The following SHANK2 variants were observed in gnomAD, a reference collection of about 807,000 sequenced individuals.
SHANK2 encodes SH3 and multiple ankyrin repeat domains 2.
Under a neutral mutation model 133.7 loss-of-function variants are expected in SHANK2, and 43 were observed. That is an observed-to-expected ratio of 0.32 (90% CI 0.25 to 0.41). SHANK2 has a LOEUF of 0.41. Among genes scored for constraint, SHANK2 ranks in the 10% least tolerant of loss-of-function variants. The probability of loss-of-function intolerance (pLI) is 1.00; values close to 1 mark genes in which losing one functional copy is unlikely to be tolerated. For synonymous variants in SHANK2, 1,017 were observed against 952.8 expected (o/e 1.07, Z -1.24); for missense variants, 1,994 against 2,235.8 (o/e 0.89, Z 2.18).
chr11:70,520,009 A>G (rs1565092823), intron 17 of SHANK2, among the ~76,000 whole-genome samples: 1 of 151,484 alleles, frequency 6.6e-6, no homozygotes, highest in African/African-American at 2.4e-5. Flanking sequence ...CAGCCTCCCA[A>G]AGTGTTGGGA....
rs374159672 is a variant in SHANK2, at chr11:70,717,439, C to G, written c.1778-18676G>C. ...CCTCCCGAATGATCTGAGGCTATATCTTTATTTCCATTCTAAATCAGAAGC... is the reference window on the plus strand; with the variant it reads ...CCTCCCGAATGATCTGAGGCTATATGTTTATTTCCATTCTAAATCAGAAGC... On this transcript the variant is annotated intron_variant, in intron 14 of 25. Transcript: ENST00000601538. Among the ~76,000 whole-genome samples the G allele has an allele frequency of 1.6e-4, 24 of 152,320 alleles. No homozygotes were observed. In the East Asian group the frequency reaches 2.3e-3, roughly 15 times the overall value.
chr11:71,167,716 G>A (rs1269439246), intron 2 of SHANK2, among the ~76,000 whole-genome samples: 6 of 136,170 alleles, frequency 4.4e-5, no homozygotes, highest in Non-Finnish European at 8.0e-5. Context: ...CCGGGCAGAG[G>A]GGCTCCTCAC....
chr11:70,782,240 A>G (rs183452104), intron 14 of SHANK2, among the ~76,000 whole-genome samples: 1 of 152,344 alleles, frequency 6.6e-6, no homozygotes, highest in East Asian at 1.9e-4. Flanking sequence ...AATTTTTAAT[A>G]GAGACAAGAT....
intron 14 of SHANK2, among the ~76,000 whole-genome samples, chr11:70,785,974 G>C (rs1393151505): frequency 2.6e-5 from 4 of 152,114 alleles, no homozygotes; most frequent in African/African-American, 4.8e-5. Context: ...TGATGGGCTG[G>C]TGTCCTACCT....
rs868990395 is a variant in SHANK2 at position 70,807,126 on chromosome 11, G to A, written c.1539C>T (p.Phe513=). ...GCTTCCGCTTGGGCCCCGGGTACTC[G>A]AAGGCCGAGAGTGAGTCCTTGTTGG... ...LGANKDSLSA[F]EYPGPKRKLY... Residue 513 remains phenylalanine, a synonymous_variant, in exon 13 of 26, where the codon TTC becomes TTT. Transcript: ENST00000601538. This position sits in a 1 kb window ranked among gnomAD's most constrained non-coding sequence, Gnocchi z 4.8. The A allele has an allele frequency of 2.6e-5, 19 of 718,070 alleles. No individual in the cohort carries two copies. The highest frequency in any genetic ancestry group is 2.3e-4 in the Middle Eastern group (1 of 4,372). 44.5% of individuals were successfully genotyped at this position (718,070 alleles called of 1,614,324 possible). A position where few individuals can be genotyped will look rare whatever the true frequency, so the allele number is the denominator to read the frequency against.
intron 2 of SHANK2, among the ~76,000 whole-genome samples, chr11:71,159,927 C>T (rs1292986335): frequency 7.0e-6 from 1 of 142,082 alleles, no homozygotes; most frequent in African/African-American, 2.7e-5. Flanking sequence ...ATGAAAGTTG[C>T]AGTGAGCCTA....
chr11:70,662,104 C>T (rs1432310979), intron 15 of SHANK2: 2 of 415,840 alleles, frequency 4.8e-6, no homozygotes, highest in Non-Finnish European at 9.0e-6. Flanking sequence ...CGGCTTGTCC[C>T]GACCACACGC....
At chr11:70,546,981 C>A (rs1554976539) in intron 17 of SHANK2, among the ~76,000 whole-genome samples, 1 of 152,200 alleles carries the variant, frequency 6.6e-6, no homozygotes, top group South Asian at 2.1e-4. Flanking sequence ...ACCCTGGATA[C>A]CTGATCAGGC....
rs547636160 is a variant in SHANK2, at chr11:71,154,046, A to C, written c.-12-6708T>G. On this transcript the variant is annotated intron_variant, in intron 2 of 25. Coordinates refer to ENST00000601538, the MANE Select transcript of SHANK2 (RefSeq NM_012309.5). ...TCTGATTTACTTTTTCACCAAAAGA[A>C]AAGAAGGTTTTTATTGATATGGAAT... is the stretch of plus-strand genomic sequence containing the variant. 1.1e-4 allele frequency among the ~76,000 whole-genome samples: 16 copies of C among 152,306 alleles called. No homozygotes were observed. In the East Asian group the frequency reaches 3.1e-3, roughly 29 times the overall value.
At chr11:70,670,461 G>A (rs538912925) in intron 15 of SHANK2, among the ~76,000 whole-genome samples, 4 of 152,350 alleles carry the variant, frequency 2.6e-5, no homozygotes, top group Non-Finnish European at 5.9e-5. Flanking sequence ...GCCGCCGGGT[G>A]CGGGCAGCCA....
intron 25 of SHANK2, among the ~76,000 whole-genome samples, chr11:70,480,555 T>G (rs1317487383): frequency 1.3e-5 from 2 of 152,272 alleles, no homozygotes; most frequent in African/African-American, 4.8e-5. Context: ...GTTGTCCATT[T>G]CTCCCCTCGA....
intron 3 of SHANK2, among the ~76,000 whole-genome samples, chr11:71,137,574 G>A (rs1952470078): frequency 1.3e-5 from 2 of 152,152 alleles, no homozygotes; most frequent in South Asian, 2.1e-4. Flanking sequence ...GCTAACAGAA[G>A]TTCTATCGGT....
At chr11:70,708,967 T>C (rs1555025551) in intron 14 of SHANK2, among the ~76,000 whole-genome samples, 1 of 152,136 alleles carries the variant, frequency 6.6e-6, no homozygotes, top group African/African-American at 2.4e-5. Context: ...TCCCAGCACT[T>C]TGGGAGGCCA....
chr11:70,648,912 A>G (rs1413441135), intron 17 of SHANK2, among the ~76,000 whole-genome samples: 1 of 152,128 alleles, frequency 6.6e-6, no homozygotes, highest in Non-Finnish European at 1.5e-5. Context: ...GGGCATGTGC[A>G]GGAAGTGACT....
intron 10 of SHANK2, among the ~76,000 whole-genome samples, chr11:70,942,319 G>C (rs1555084525): frequency 6.6e-6 from 1 of 152,186 alleles, no homozygotes; most frequent in Non-Finnish European, 1.5e-5. Context: ...GAAGGTCAAA[G>C]GGGAAGTAGA....
chr11:71,076,498 AC>A (rs1951221406), intron 8 of SHANK2, among the ~76,000 whole-genome samples: 1 of 131,372 alleles, frequency 7.6e-6, no homozygotes, highest in African/African-American at 2.7e-5. Context: ...ACAAAACAAA[AC>A]AAAAAAAAAA....
chr11:70,625,811 A>C (rs981565370), intron 17 of SHANK2, among the ~76,000 whole-genome samples: 2 of 29,470 alleles, frequency 6.8e-5, no homozygotes, highest in African/African-American at 1.6e-4. Context: ...TGCAAAAATG[A>C]AAAAAAAAAA....
At chr11:70,920,841 C>G (rs112108594) in intron 10 of SHANK2, among the ~76,000 whole-genome samples, 3 of 152,346 alleles carry the variant, frequency 2.0e-5, no homozygotes, top group African/African-American at 7.2e-5. Context: ...GAAGGCGATA[C>G]AGATGTTAAG....
chr11:70,878,033 T>C (rs1039338260), intron 11 of SHANK2, among the ~76,000 whole-genome samples: 4 of 151,962 alleles, frequency 2.6e-5, no homozygotes, highest in Non-Finnish European at 5.9e-5. Flanking sequence ...GGAGGGAGAG[T>C]CAGCGGTTCT....
Sources: allele counts gnomAD v4.1 joint callset (sites outside exome capture counted in the v4.1 genomes callset), GRCh38; gene constraint gnomAD v4.1.1; non-coding constraint Gnocchi (gnomAD v3.1); transcripts MANE v1.5; gene names NCBI Gene and HGNC (gene_info 2026-07-23, HGNC 2026-07-21).